The following SPAG16 variants were observed in gnomAD, a reference collection of about 807,000 sequenced individuals.
SPAG16 encodes sperm-associated antigen 16 protein.
SPAG16 carries 86 observed loss-of-function variants against 80.4 expected under a neutral mutation model. The ratio of observed to expected loss-of-function variants is 1.07; its 90% confidence interval spans 0.90 to 1.28. The LOEUF (loss-of-function observed/expected upper bound fraction) is 1.28, where lower values mean the gene tolerates loss of function less well. Ranked by LOEUF, SPAG16 falls within the 50% of genes most tolerant of loss-of-function variation. The pLI is 0.00. For missense variants in SPAG16, 870 were observed against 765.3 expected, an observed-to-expected ratio of 1.14 and a Z score of -1.61; for synonymous variants, 294 against 265.9, an observed-to-expected ratio of 1.11 and a Z score of -1.03.
intron 10 of SPAG16, among the ~76,000 whole-genome samples, chr2:213,704,146 C>A (rs569506021): frequency 3.7e-4 from 56 of 152,224 alleles, no homozygotes; most frequent in Non-Finnish European, 5.7e-4. Context: ...TATAATAGAA[C>A]AATATCTTAT....
At chr2:214,183,794 T>C (rs987231440) in intron 15 of SPAG16, among the ~76,000 whole-genome samples, 8 of 151,946 alleles carry the variant, frequency 5.3e-5, no homozygotes, top group Admixed American at 3.9e-4. Flanking sequence ...CAAATGTGCT[T>C]TTATGAAGAC....
intron 15 of SPAG16, among the ~76,000 whole-genome samples, chr2:214,334,818 C>G (rs1313736879): frequency 1.3e-5 from 2 of 152,200 alleles, no homozygotes; most frequent in African/African-American, 4.8e-5. Context: ...ATGTCAAGAG[C>G]TCTTTGTACA....
At chr2:214,300,960 A>C (rs924848274) in intron 15 of SPAG16, among the ~76,000 whole-genome samples, 2 of 150,778 alleles carry the variant, frequency 1.3e-5, no homozygotes, top group East Asian at 3.9e-4. Flanking sequence ...ACAACAACAA[A>C]AGCTACAGGC....
At chr2:214,040,501 C>T (rs2048949709) in intron 13 of SPAG16, among the ~76,000 whole-genome samples, 1 of 152,096 alleles carries the variant, frequency 6.6e-6, no homozygotes, top group Non-Finnish European at 1.5e-5. Flanking sequence ...CATGTGTTCT[C>T]ATCATTTAGC....
intron 15 of SPAG16, 21 bp downstream of exon 15, chr2:214,149,287 T>A: frequency 6.6e-7 from 1 of 1,523,068 alleles, no homozygotes; most frequent in South Asian, 1.2e-5. Flanking sequence ...TTTTGTCTAA[T>A]GTTTCTGACT....
rs570399363 is a variant in SPAG16 at position 213,968,867 on chromosome 2, A to C, written c.1400+38722A>C. On this transcript the variant is annotated intron_variant, in intron 12 of 15. Coordinates refer to ENST00000331683, the MANE Select transcript of SPAG16 (RefSeq NM_024532.5). ...CATTATTCTAACTTTTGTACATAGCACATATATATTTAGTGCTTATTTTTA... is the reference window on the plus strand; with the variant it reads ...CATTATTCTAACTTTTGTACATAGCCCATATATATTTAGTGCTTATTTTTA... Among the ~76,000 whole-genome samples the C allele has an allele frequency of 2.6e-5, 4 of 152,338 alleles. No individual in the cohort carries two copies. The East Asian group carries it at 7.7e-4, about 29-fold the overall frequency.
At chr2:214,391,386 GAAATA>G (rs1216268682) in intron 15 of SPAG16, among the ~76,000 whole-genome samples, 2 of 152,132 alleles carry the variant, frequency 1.3e-5, no homozygotes, top group African/African-American at 2.4e-5. Flanking sequence ...CTGATCTGAT[GAAATA>G]AATTTTAAAC....
chr2:213,869,661 T>G (rs78650117), intron 11 of SPAG16, among the ~76,000 whole-genome samples: 21 of 142,584 alleles, frequency 1.5e-4, no homozygotes, highest in African/African-American at 2.8e-4. Flanking sequence ...TTTTTTTTTT[T>G]GTCTAATTCC....
intron 10 of SPAG16, among the ~76,000 whole-genome samples, chr2:213,515,332 T>C (rs2075380274): frequency 6.6e-6 from 1 of 152,110 alleles, no homozygotes; most frequent in Non-Finnish European, 1.5e-5. Context: ...AGCCTCACAT[T>C]GTTAGATGCG....
chr2:213,978,088 G>A (rs910077710), intron 12 of SPAG16, among the ~76,000 whole-genome samples: 6 of 151,130 alleles, frequency 4.0e-5, no homozygotes, highest in African/African-American at 1.5e-4. Flanking sequence ...CTTTTCTGGA[G>A]TCTTAACAAA....
At chr2:213,973,487 C>T (rs1466276640) in intron 12 of SPAG16, among the ~76,000 whole-genome samples, 1 of 151,990 alleles carries the variant, frequency 6.6e-6, no homozygotes, top group Non-Finnish European at 1.5e-5. Context: ...TTCAATAAAC[C>T]CTGCTCTGCT....
At chr2:214,316,073 C>G (rs1488825486) in intron 15 of SPAG16, among the ~76,000 whole-genome samples, 3 of 151,414 alleles carry the variant, frequency 2.0e-5, no homozygotes, top group African/African-American at 7.3e-5. Flanking sequence ...ATAACAACTT[C>G]TTTGGTTCAA....
chr2:213,585,107 T>G (rs1576079482), intron 10 of SPAG16, among the ~76,000 whole-genome samples: 1 of 150,834 alleles, frequency 6.6e-6, no homozygotes, highest in Non-Finnish European at 1.5e-5. Context: ...GAGAATTGCT[T>G]GAACCTGGGA....
intron 15 of SPAG16, among the ~76,000 whole-genome samples, chr2:214,229,073 C>T (rs1559142093): frequency 6.6e-6 from 1 of 151,320 alleles, no homozygotes; most frequent in Non-Finnish European, 1.5e-5. Context: ...ATACCAGGGA[C>T]TATGGTAGGT....
intron 9 of SPAG16, among the ~76,000 whole-genome samples, chr2:213,475,995 C>T (rs1333425896): frequency 1.3e-5 from 2 of 152,196 alleles, no homozygotes; most frequent in African/African-American, 4.8e-5. Flanking sequence ...GTCTCTTGCA[C>T]TATGCTAATG....
intron 10 of SPAG16, among the ~76,000 whole-genome samples, chr2:213,557,153 GT>G (rs745929719): frequency 3.9e-5 from 6 of 152,106 alleles, no homozygotes; most frequent in Non-Finnish European, 8.8e-5. Context: ...AATGGACCAT[GT>G]CAGACAAGCA....
intron 15 of SPAG16, among the ~76,000 whole-genome samples, chr2:214,374,528 T>C (rs1488705413): frequency 6.6e-6 from 1 of 152,194 alleles, no homozygotes; most frequent in Non-Finnish European, 1.5e-5. Context: ...AAACTTGTTT[T>C]TCTAAAATAT....
At chr2:213,698,039 T>A (rs2065236786) in intron 10 of SPAG16, among the ~76,000 whole-genome samples, 1 of 152,184 alleles carries the variant, frequency 6.6e-6, no homozygotes, top group African/African-American at 2.4e-5. Context: ...GTGCTCTTAT[T>A]CTTAATTCCA....
chr2:214,101,236 G>T (rs2053000562), intron 13 of SPAG16, among the ~76,000 whole-genome samples: 1 of 151,918 alleles, frequency 6.6e-6, no homozygotes, highest in African/African-American at 2.4e-5. Flanking sequence ...TATACATAGG[G>T]TTCACGGTCA....
Sources: allele counts gnomAD v4.1 joint callset (sites outside exome capture counted in the v4.1 genomes callset), GRCh38; gene constraint gnomAD v4.1.1; transcripts MANE v1.5; gene names NCBI Gene and HGNC (gene_info 2026-07-23, HGNC 2026-07-21).